CAST: variants seen among roughly 807,000 people sequenced by gnomAD.
CAST encodes the protein calpastatin.
Under a neutral mutation model 119.6 loss-of-function variants are expected in CAST, and 76 were observed. The ratio of observed to expected loss-of-function variants is 0.64; its 90% CI spans 0.53 to 0.77. The LOEUF is 0.77. CAST is among the 30% of genes least tolerant of loss of function. CAST has a pLI of 0.00. For synonymous variants in CAST, 319 were observed against 331.6 expected, an observed-to-expected ratio of 0.96 and a Z score of 0.41; for missense variants, 953 against 946.5, an observed-to-expected ratio of 1.01 and a Z score of -0.09.
the CAST span, among the ~76,000 whole-genome samples, chr5:96,113,213 T>C: frequency 6.6e-6 from 1 of 152,214 alleles, no homozygotes; most frequent in African/African-American, 2.4e-5. Context: ...AGATGTGGAA[T>C]TTGAGACCAA....
chr5:96,555,661 G>A (rs938514007), intron 1 of CAST, among the ~76,000 whole-genome samples: 8 of 152,176 alleles, frequency 5.3e-5, no homozygotes, highest in South Asian at 2.1e-4. Flanking sequence ...ACTGCAAGGC[G>A]GCAGCGAGGC....
the CAST span, among the ~76,000 whole-genome samples, chr5:95,975,048 G>A: frequency 6.6e-6 from 1 of 152,158 alleles, no homozygotes; most frequent in African/African-American, 2.4e-5. Flanking sequence ...CATGGTACCA[G>A]TGGCATGCAT....
the CAST span, among the ~76,000 whole-genome samples, chr5:96,197,840 C>T: frequency 6.6e-6 from 1 of 152,084 alleles, no homozygotes; most frequent in African/African-American, 2.4e-5. Context: ...CTCACTGCAG[C>T]CTTAACCTTC....
the CAST span, among the ~76,000 whole-genome samples, chr5:96,084,166 G>A: frequency 6.6e-6 from 1 of 152,124 alleles, no homozygotes; most frequent in Non-Finnish European, 1.5e-5. Context: ...GGCTGACTTG[G>A]AAATCTTATA....
the CAST span, among the ~76,000 whole-genome samples, chr5:96,491,833 A>G: frequency 6.6e-6 from 1 of 152,246 alleles, no homozygotes; most frequent in Non-Finnish European, 1.5e-5. Flanking sequence ...ATGAAGATGA[A>G]CTAAAACTAC....
the CAST span, among the ~76,000 whole-genome samples, chr5:95,972,269 G>A: frequency 6.6e-6 from 1 of 152,078 alleles, no homozygotes; most frequent in Non-Finnish European, 1.5e-5. Context: ...ACTTAAGAGT[G>A]GGATTATTAT....
the CAST span, among the ~76,000 whole-genome samples, chr5:96,493,784 A>C: frequency 6.6e-6 from 1 of 152,168 alleles, no homozygotes; most frequent in Non-Finnish European, 1.5e-5. Flanking sequence ...CATGCCTGTA[A>C]TCCCAGCACT....
chr5:96,479,007 G>A, the CAST span, among the ~76,000 whole-genome samples: 2 of 152,172 alleles, frequency 1.3e-5, no homozygotes, highest in Non-Finnish European at 1.5e-5. Context: ...GTGTAACTGG[G>A]GAGGAGAACA....
At chr5:96,524,030 C>A (rs531953718), upstream of CAST, among the ~76,000 whole-genome samples, 1 of 152,196 alleles carries the variant, frequency 6.6e-6, no homozygotes, top group African/African-American at 2.4e-5. Flanking sequence ...GGAATCTCTG[C>A]AAGAAGATAC....
chr5:96,548,713 T>C (rs73775334), intron 1 of CAST, among the ~76,000 whole-genome samples: 414 of 152,336 alleles, frequency 2.7e-3, no homozygotes, highest in African/African-American at 9.5e-3. Context: ...CTCTCTAGTT[T>C]ATTTCTCAGT....
chr5:96,116,614 T>C, the CAST span, among the ~76,000 whole-genome samples: 1 of 152,206 alleles, frequency 6.6e-6, no homozygotes, highest in Non-Finnish European at 1.5e-5. Flanking sequence ...TTCTAGTAGA[T>C]GTTTACTGGT....
intron 1 of CAST, among the ~76,000 whole-genome samples, chr5:96,607,063 C>A (rs1052155630): frequency 1.3e-4 from 20 of 152,052 alleles, no homozygotes; most frequent in Non-Finnish European, 1.5e-4. Flanking sequence ...CCGAGGCGGG[C>A]GGATCACGAG....
At position 96,599,975 on chromosome 5, in the gene CAST, A is replaced by AAAAAAAAAAAAAAAG. The variant is rs762798506; in HGVS notation, c.60+70103_60+70104insAAAAAAGAAAAAAAA. Among the ~76,000 whole-genome samples the AAAAAAAAAAAAAAAG allele has an allele frequency of 2.2e-3, 306 of 140,496 alleles. 6 individuals carry two copies. The highest frequency in any genetic ancestry group is 7.1e-3 in the Middle Eastern group (2 of 280). 92.2% of individuals were successfully genotyped at this position (140,496 alleles called of 152,430 possible). On this transcript the variant is annotated intron_variant, in intron 1 of 11. Coordinates refer to the CAST transcript ENST00000505143. ...TTATTGCTTCATTAGGCAAAAAAAA[A>AAAAAAAAAAAAAAAG]AAAAAAAACCCTCAAGCTCTGTTGA...
chr5:95,994,768 C>T, the CAST span, among the ~76,000 whole-genome samples: 1 of 152,070 alleles, frequency 6.6e-6, no homozygotes, highest in East Asian at 1.9e-4. Context: ...CTAAATTTAG[C>T]TTCCAGATTC....
chr5:96,463,932 G>GA, the CAST span, among the ~76,000 whole-genome samples: 1 of 151,990 alleles, frequency 6.6e-6, no homozygotes, highest in Non-Finnish European at 1.5e-5. Flanking sequence ...TGAAGACACA[G>GA]AAACAGATAA....
chr5:96,154,549 A>G, the CAST span, among the ~76,000 whole-genome samples: 5 of 152,198 alleles, frequency 3.3e-5, no homozygotes, highest in South Asian at 6.2e-4. Flanking sequence ...AGTCTACACT[A>G]TATCAAATTT....
At chr5:96,727,438 CTA>C in intron 5 of CAST, 49 bp from the exon 6 acceptor site, 2 of 977,124 alleles carry the variant, frequency 2.0e-6, no homozygotes, top group Non-Finnish European at 1.5e-6. Context: ...TAAACTATGT[CTA>C]TCTTTCTTTT....
At chr5:96,605,610 G>A (rs1747237898) in intron 1 of CAST, among the ~76,000 whole-genome samples, 1 of 152,136 alleles carries the variant, frequency 6.6e-6, no homozygotes, top group Non-Finnish European at 1.5e-5. Context: ...CTTAGCCAGG[G>A]TAGAAGAAGA....
At position 96,737,948 on chromosome 5, in the gene CAST, G is replaced by A. The variant is rs1409962525; in HGVS notation, c.798+1G>A. 6.6e-7 allele frequency: 1 copy of A among 1,524,218 alleles called. No homozygotes were observed. Among genetic ancestry groups the A allele is most frequent in the Non-Finnish European group, 9.1e-7 (1 of 1,099,024 alleles). 94.4% of individuals were successfully genotyped at this position (1,524,218 alleles called of 1,614,324 possible). On this transcript the variant is annotated splice_donor_variant, in intron 11 of 31. Coordinates refer to ENST00000675179, the MANE Select transcript of CAST (RefSeq NM_001750.7). LOFTEE classifies it high-confidence loss of function. ...AACGTATACTGGACCAGAAGTTTCAGTATGTGATCATGATATCTGTAAAAA... is the reference window on the plus strand; with the variant it reads ...AACGTATACTGGACCAGAAGTTTCAATATGTGATCATGATATCTGTAAAAA...
Sources: allele counts gnomAD v4.1 joint callset (sites outside exome capture counted in the v4.1 genomes callset), GRCh38; gene constraint gnomAD v4.1.1; transcripts MANE v1.5; gene names NCBI Gene and HGNC (gene_info 2026-07-23, HGNC 2026-07-21).